Variants in HTR3D observed in about 807,000 individuals in gnomAD.
HTR3D encodes the protein 5-hydroxytryptamine (serotonin) receptor 3 family member D.
In HTR3D, 47 loss-of-function variants were observed where a neutral mutation model predicts 45.8. That is an observed-to-expected ratio of 1.03 (90% confidence interval 0.81 to 1.31). The LOEUF (loss-of-function observed/expected upper bound fraction) is 1.31. Ranked by LOEUF, HTR3D falls within the 50% of genes most tolerant of loss-of-function variation. The pLI is 0.00. For synonymous variants in HTR3D, 203 were observed against 199.8 expected (o/e 1.02, Z -0.13); for missense variants, 448 against 506.9 (o/e 0.88, Z 1.12).
chr3:184,031,862 G>A (rs748817861), intron 1 of HTR3D, 55 bp downstream of exon 1: 313 of 1,242,292 alleles, frequency 2.5e-4, no homozygotes, highest in Non-Finnish European at 3.6e-4. Context: ...GGGAAGCAGA[G>A]AAAACAGGCT....
At chr3:184,035,067 C>A (rs1722847596) in intron 1 of HTR3D, 111 bp from the exon 2 acceptor site, 6 of 1,525,164 alleles carry the variant, frequency 3.9e-6, no homozygotes, top group African/African-American at 1.4e-5. Flanking sequence ...TGGCTTAGAT[C>A]AAAAATCATT....
intron 4 of HTR3D, 102 bp downstream of exon 4, chr3:184,036,646 C>G: frequency 1.3e-6 from 2 of 1,582,264 alleles, no homozygotes; most frequent in Non-Finnish European, 1.7e-6. Context: ...TGAAAAGGGC[C>G]TGGAAGCTAA....
intron 5 of HTR3D, among the ~76,000 whole-genome samples, chr3:184,037,665 A>G (rs1289221920): frequency 6.6e-6 from 1 of 152,228 alleles, no homozygotes; most frequent in Non-Finnish European, 1.5e-5. Flanking sequence ...CAAAGTCACT[A>G]GAGATTAGAC....
rs919777669 is a variant in HTR3D at position 184,037,668 on chromosome 3, G to C, written c.517-353G>C. ...AATGTTCCCCTGCAAAGTCACTAGA[G>C]ATTAGACCTTGACGAGAAAAGCAAT... On this transcript the variant is annotated intron_variant, in intron 5 of 7. Transcript: ENST00000428798. 3.9e-5 allele frequency among the ~76,000 whole-genome samples: 6 copies of C among 152,164 alleles called. No homozygotes were observed. The East Asian group carries it at 1.2e-3, about 29-fold the overall frequency.
chr3:184,033,087 G>A lies in HTR3D; in HGVS notation c.66+1280G>A, dbSNP rs1221178731. On this transcript the variant is annotated intron_variant, in intron 1 of 7. Transcript: ENST00000428798. ...TAAGTCCTCACCCAACATTGCAGTG[G>A]TCTAGTGGTGAGCAGTGGACCCTCT... The A allele has an allele frequency of 1.2e-5, 18 of 1,492,632 alleles. No individual in the cohort carries two copies. In the Admixed American group the frequency reaches 3.0e-4, roughly 25 times the overall value. 92.5% of individuals were successfully genotyped at this position (1,492,632 alleles called of 1,614,324 possible). A position where few individuals can be genotyped will look rare whatever the true frequency, so the allele number is the denominator to read the frequency against.
In HTR3D at chr3:184,038,071, G is replaced by T. The variant is rs1013772925; in HGVS notation, c.567G>T (p.Leu189=). The part of the protein sequence containing the change: ...CRPSPYVVNF[L]VPSGILIAID... ...CCAGCCCCTACGTGGTAAACTTTCT[G>T]GTGCCCAGTGGCATTCTGATTGCCA... The change falls in exon 6 of 8, where the codon CTG becomes CTT. Residue 189 remains leucine (L), a synonymous_variant. Transcript: ENST00000428798. This position sits in a 1 kb window ranked among gnomAD's most constrained non-coding sequence, Gnocchi z 4.5. 4 of 1,614,026 alleles carry T rather than the reference G, an allele frequency of 2.5e-6. No individual in the cohort carries two copies. Among genetic ancestry groups the T allele is most frequent in the Admixed American group, 3.3e-5 (2 of 60,004 alleles).
At chr3:184,032,935 C>T (rs1722790104) in intron 1 of HTR3D, 1 of 1,552,704 alleles carries the variant, frequency 6.4e-7, no homozygotes, top group Non-Finnish European at 8.7e-7. Flanking sequence ...CAGGCTTTGG[C>T]CAGCACAGGG....
chr3:184,032,716 C>G, intron 1 of HTR3D: 1 of 763,838 alleles, frequency 1.3e-6, no homozygotes, highest in Non-Finnish European at 2.2e-6. Flanking sequence ...AGGATGGATC[C>G]TTGACTCAGC....
In HTR3D at chr3:184,039,038, T is replaced by A. The variant is rs1304227108; in HGVS notation, c.*63T>A. 8 of 1,459,106 alleles carry A rather than the reference T, an allele frequency of 5.5e-6. No individual in the cohort carries two copies. Among genetic ancestry groups the A allele is most frequent in the Non-Finnish European group, 7.4e-6 (8 of 1,081,744 alleles). 90.4% of individuals were successfully genotyped at this position (1,459,106 alleles called of 1,614,324 possible). On this transcript the variant is annotated 3_prime_UTR_variant, in exon 8 of 8. Coordinates refer to ENST00000428798, the MANE Select transcript of HTR3D (RefSeq NM_001145143.1). Reference sequence around the variant, plus strand: ...TTTGCCAGAGAACTCCAGAAACCAGTCAGGCTCTCAGTCAGCCTTGTGGCC... The same window carrying A: ...TTTGCCAGAGAACTCCAGAAACCAGACAGGCTCTCAGTCAGCCTTGTGGCC...
In HTR3D at chr3:184,039,181, G is replaced by A. The variant is rs1370649476; in HGVS notation, c.*206G>A. 17 of 582,354 alleles carry A rather than the reference G, an allele frequency of 2.9e-5. No homozygotes were observed. The highest frequency in any genetic ancestry group is 4.5e-5 in the Non-Finnish European group (15 of 333,500). 36.1% of individuals were successfully genotyped at this position (582,354 alleles called of 1,614,324 possible). On this transcript the variant is annotated 3_prime_UTR_variant, in exon 8 of 8. Transcript: ENST00000428798. Reference sequence around the variant, plus strand: ...TCCTGCATGCCATCAGCCCCACTCAGCCCTCCCATACCTCCCTGGCTCCTC... The same window carrying A: ...TCCTGCATGCCATCAGCCCCACTCAACCCTCCCATACCTCCCTGGCTCCTC...
intron 4 of HTR3D, 85 bp downstream of exon 4, chr3:184,036,629 A>C (rs1475592966): frequency 1.3e-6 from 2 of 1,592,464 alleles, no homozygotes; most frequent in Non-Finnish European, 1.7e-6. Context: ...CAGTGAGGGA[A>C]TCTTGCTGAA....
rs1722999622 is a variant in HTR3D at position 184,038,940 on chromosome 3, T to C, written c.1180T>C (p.Ser394Pro). The C allele has an allele frequency of 6.2e-7, 1 of 1,614,036 alleles. No homozygotes were observed. Among genetic ancestry groups the C allele is most frequent in the Non-Finnish European group, 8.5e-7 (1 of 1,180,030 alleles). ...CCTCTACCTGCTCTTCATGGCCTCC[T>C]CCATCATCACCGTCATATGCCTCTG... ...FRLYLLFMASSIITVICLWNT is the reference protein window; with the variant it reads ...FRLYLLFMASPIITVICLWNT Residue 394 changes from serine (S) to proline (P), a missense_variant, in exon 8 of 8, where the codon TCC (serine) becomes CCC (proline). By Grantham distance (74) the Ser-to-Pro change is moderately conservative. Transcript: ENST00000428798. This position sits in a 1 kb window ranked among gnomAD's most constrained non-coding sequence, Gnocchi z 4.5.
chr3:184,033,900 G>C (rs1722815260), intron 1 of HTR3D, among the ~76,000 whole-genome samples: 1 of 152,122 alleles, frequency 6.6e-6, no homozygotes, highest in African/African-American at 2.4e-5. Flanking sequence ...CTGGGTGACA[G>C]AGCAAGACTC....
chr3:184,036,709 C>T (rs1212122749), intron 4 of HTR3D, 39 bp from the exon 5 acceptor site: 1 of 1,552,744 alleles, frequency 6.4e-7, no homozygotes, highest in African/African-American at 1.4e-5. Flanking sequence ...TTTGGGGAGG[C>T]TGAGTCTTCT....
intron 2 of HTR3D, among the ~76,000 whole-genome samples, chr3:184,035,530 A>C (rs1019016614): frequency 7.2e-5 from 11 of 152,136 alleles, no homozygotes; most frequent in African/African-American, 2.7e-4. Flanking sequence ...GAGGTAAGCA[A>C]GTGTTAGTGT....
intron 1 of HTR3D, chr3:184,033,195 A>G: frequency 3.2e-6 from 2 of 634,860 alleles, no homozygotes; most frequent in African/African-American, 1.9e-5. Context: ...ATCTCAGCTC[A>G]CTGCAACCTC....
chr3:184,035,190 C>G lies in HTR3D; in HGVS notation c.79C>G (p.Gln27Glu), dbSNP rs570697703. The G allele has an allele frequency of 2.7e-4, 420 of 1,552,196 alleles. 4 individuals carry two copies. The South Asian group carries it at 4.9e-3, about 18-fold the overall frequency. Residue 27 changes from glutamine to glutamate, a missense_variant, in exon 2 of 8, where the codon CAA (glutamine) becomes GAA (glutamate). Coordinates refer to ENST00000428798, the MANE Select transcript of HTR3D (RefSeq NM_001145143.1). The part of the protein sequence containing the change: ...LHLLLQDSHL[Q>E]LVTSFLWLNM... The stretch of plus-strand genomic sequence containing the variant: ...GCTGCTATTCCAGGATTCACACCTT[C>G]AACTGGTGACATCGTTCCTGTGGCT...
At chr3:184,036,146 G>A (rs1722881749) in intron 3 of HTR3D, 46 bp downstream of exon 3, 1 of 1,533,904 alleles carries the variant, frequency 6.5e-7, no homozygotes, top group Non-Finnish European at 8.8e-7. Flanking sequence ...CGTCTACAGG[G>A]AAGGACACAA....
At chr3:184,035,335 A>G in intron 2 of HTR3D, 113 bp downstream of exon 2, 1 of 935,530 alleles carries the variant, frequency 1.1e-6, no homozygotes, top group South Asian at 1.5e-5. Flanking sequence ...CATAAATTAG[A>G]CAAGTTCAAA....
Sources: allele counts gnomAD v4.1 joint callset (sites outside exome capture counted in the v4.1 genomes callset), GRCh38; gene constraint gnomAD v4.1.1; non-coding constraint Gnocchi (gnomAD v3.1); transcripts MANE v1.5; gene names NCBI Gene and HGNC (gene_info 2026-07-23, HGNC 2026-07-21).